RBM6: variants seen among roughly 807,000 people sequenced by gnomAD.
RBM6 encodes RNA-binding protein 6.
RBM6 carries 23 observed loss-of-function variants against 140.4 expected under a neutral mutation model. The ratio of observed to expected loss-of-function variants is 0.16; its 90% confidence interval spans 0.12 to 0.23. The LOEUF is 0.23. Among genes scored for constraint, RBM6 ranks in the 10% least tolerant of loss-of-function variants. The pLI is 1.00. For missense variants in RBM6, 1,139 were observed against 1,386.7 expected (o/e 0.82, Z 2.84); for synonymous variants, 439 against 475.6 (o/e 0.92, Z 1.00).
intron 5 of RBM6, among the ~76,000 whole-genome samples, chr3:49,990,283 G>A (rs1238727348): frequency 6.6e-6 from 1 of 151,912 alleles, no homozygotes; most frequent in Non-Finnish European, 1.5e-5. Flanking sequence ...GTTACTCTTC[G>A]GCCACAAAAC....
chr3:50,007,244 T>C (rs1002450156), intron 6 of RBM6, among the ~76,000 whole-genome samples: 1 of 149,970 alleles, frequency 6.7e-6, no homozygotes, highest in Non-Finnish European at 1.5e-5. Context: ...TCTCCTAGGC[T>C]GGAGTGCAGT....
chr3:50,057,826 G>A lies in RBM6; in HGVS notation c.1792G>A (p.Ala598Thr), dbSNP rs752785567. 16 of 1,613,928 alleles carry A rather than the reference G, an allele frequency of 9.9e-6. No individual in the cohort carries two copies. The South Asian group carries it at 1.1e-4, about 11-fold the overall frequency. Reference sequence around the variant, plus strand: ...ACAGCCCAACCAGCCCCTAAGACCAGCTGATAAGGAACCTGAACCCAGGAA... The same window carrying A: ...ACAGCCCAACCAGCCCCTAAGACCAACTGATAAGGAACCTGAACCCAGGAA... ...EKQPNQPLRP[A>T]DKEPEPRKRE... Residue 598 changes from alanine (A) to threonine (T), a missense_variant, in exon 9 of 21, where the codon GCT becomes ACT. Physicochemically the swap from Ala to Thr is moderately conservative, Grantham distance 58 (BLOSUM62 0). Transcript: ENST00000266022.
chr3:50,066,619 G>GA, intron 17 of RBM6, 117 bp downstream of exon 17: 1 of 1,293,430 alleles, frequency 7.7e-7, no homozygotes, highest in East Asian at 2.3e-5. Flanking sequence ...CCTGGGCTCA[G>GA]AAGTACAAGA....
At position 50,004,250 on chromosome 3, in the gene RBM6, T is replaced by C. The variant is rs188487905; in HGVS notation, c.1557+4737T>C. 6.7e-3 allele frequency among the ~76,000 whole-genome samples: 1,025 copies of C among 152,150 alleles called. 15 individuals carry two copies. The highest frequency in any genetic ancestry group is 0.041 in the South Asian group (198 of 4,814). On this transcript the variant is annotated intron_variant, in intron 6 of 20. Transcript: ENST00000266022. Reference sequence around the variant, plus strand: ...TTTCTCTGAAATTTTTATTCTCCTTTCCCCTTTCCTTTCCTTTCCTTTTTC... The same window carrying C: ...TTTCTCTGAAATTTTTATTCTCCTTCCCCCTTTCCTTTCCTTTCCTTTTTC...
chr3:50,065,045 C>A lies in RBM6; in HGVS notation c.2601C>A (p.Ala867=), dbSNP rs1355897692. 1 of 1,613,142 alleles carries A rather than the reference C, an allele frequency of 6.2e-7. No homozygotes were observed. ...DRGVTRFQEN[A]SEGKAPAEDV... ...GGTTTGATCAGTTTCAGGAAAATGCCAGTGAAGGGAAGGCCCCTGCAGAAG... is the reference window on the plus strand; with the variant it reads ...GGTTTGATCAGTTTCAGGAAAATGCAAGTGAAGGGAAGGCCCCTGCAGAAG... Residue 867 remains alanine (A), a synonymous_variant, in exon 16 of 21, where the codon GCC becomes GCA. Transcript: ENST00000266022.
chr3:50,073,935 C>T (rs1202963959), intron 19 of RBM6, among the ~76,000 whole-genome samples: 2 of 151,924 alleles, frequency 1.3e-5, no homozygotes, highest in East Asian at 1.9e-4. Flanking sequence ...CTGCAACCTC[C>T]GCCTCCCAGG....
chr3:50,050,515 G>T (rs1575812655), intron 7 of RBM6, among the ~76,000 whole-genome samples: 1 of 152,104 alleles, frequency 6.6e-6, no homozygotes, highest in Non-Finnish European at 1.5e-5. Context: ...TTGTGTGCTA[G>T]TTTTTGTTTG....
chr3:50,061,203 A>G lies in RBM6; in HGVS notation c.2335A>G (p.Asn779Asp). ...AAATTCAGACTGGTCTTCAGATACA[A>G]ATCGACAAGGACAACAGTGTAAGTA... ...GRNSDWSSDT[N>D]RQGQQSSSDC... The change falls in exon 13 of 21, where the codon AAT (asparagine) becomes GAT (aspartate). Residue 779 changes from asparagine to aspartate, a missense_variant. This residue lies in a region of RBM6 where 163 missense variants were observed against 182.8 expected (regional missense o/e 0.89). Transcript: ENST00000266022. 1 of 1,614,214 alleles carries G rather than the reference A, an allele frequency of 6.2e-7. No homozygotes were observed. Among genetic ancestry groups the G allele is most frequent in the Non-Finnish European group, 8.5e-7 (1 of 1,180,028 alleles).
chr3:49,991,733 G>A (rs545994293), intron 5 of RBM6, among the ~76,000 whole-genome samples: 18 of 152,194 alleles, frequency 1.2e-4, no homozygotes, highest in African/African-American at 3.1e-4. Flanking sequence ...CATCTCTGCT[G>A]TATTAACCTC....
chr3:49,991,946 T>TATTTA (rs2085846117), intron 5 of RBM6, among the ~76,000 whole-genome samples: 1 of 151,506 alleles, frequency 6.6e-6, no homozygotes, highest in African/African-American at 2.4e-5. Flanking sequence ...TATTTTATTT[T>TATTTA]ATTTATTTAT....
chr3:49,943,984 CGTT>C (rs1184801532), intron 1 of RBM6, among the ~76,000 whole-genome samples: 3 of 152,052 alleles, frequency 2.0e-5, no homozygotes, highest in Admixed American at 6.6e-5. Context: ...AGTGGTATCT[CGTT>C]GTGTTTTCTT....
chr3:50,023,909 A>C (rs2087651650), intron 6 of RBM6, among the ~76,000 whole-genome samples: 1 of 151,990 alleles, frequency 6.6e-6, no homozygotes, highest in Non-Finnish European at 1.5e-5. Context: ...CAGCCTCCCA[A>C]AGTGCTGGGA....
At chr3:50,057,670 C>CTTTTT in intron 8 of RBM6, 58 bp from the exon 9 acceptor site, 1 of 1,239,456 alleles carries the variant, frequency 8.1e-7, no homozygotes, top group Admixed American at 2.6e-5. Context: ...AGTGTTTTTT[C>CTTTTT]TTTTTTTTTT....
intron 5 of RBM6, among the ~76,000 whole-genome samples, chr3:49,979,718 G>A (rs1376724204): frequency 2.0e-5 from 3 of 152,140 alleles, no homozygotes. Context: ...TAGCATTACA[G>A]GAGTGAGCCA....
chr3:50,033,189 C>T (rs2088284767), intron 6 of RBM6, among the ~76,000 whole-genome samples: 1 of 151,936 alleles, frequency 6.6e-6, no homozygotes, highest in Non-Finnish European at 1.5e-5. Flanking sequence ...CCCAGCTACT[C>T]AGGAGGCTCA....
intron 4 of RBM6, among the ~76,000 whole-genome samples, chr3:49,972,405 TA>T (rs1420549044): frequency 6.6e-6 from 1 of 152,026 alleles, no homozygotes; most frequent in East Asian, 1.9e-4. Flanking sequence ...GAGGTGAGGT[TA>T]AAAAAAATTA....
chr3:50,002,120 G>A lies in RBM6; in HGVS notation c.1557+2607G>A, dbSNP rs569131319. Among the ~76,000 whole-genome samples the A allele has an allele frequency of 3.3e-5, 5 of 152,120 alleles. No homozygotes were observed. The East Asian group carries it at 5.8e-4, about 18-fold the overall frequency. ...TAAATTTTGTGTGTGTGTGTGAGAC[G>A]GAGTCCAGCCAGGCTGGAGTGCAGT... On this transcript the variant is annotated intron_variant, in intron 6 of 20. Coordinates refer to ENST00000266022, the MANE Select transcript of RBM6 (RefSeq NM_005777.3).
chr3:50,011,954 C>CAA (rs2086870652), intron 6 of RBM6, among the ~76,000 whole-genome samples: 1 of 151,640 alleles, frequency 6.6e-6, no homozygotes, highest in Admixed American at 6.6e-5. Context: ...CGGGCTCAAG[C>CAA]AATTCTCCCA....
chr3:49,978,567 A>G (rs561366167), intron 5 of RBM6, among the ~76,000 whole-genome samples: 1 of 152,206 alleles, frequency 6.6e-6, no homozygotes, highest in Non-Finnish European at 1.5e-5. Context: ...AGAACCTGTG[A>G]GGTTAAATGA....
Sources: allele counts gnomAD v4.1 joint callset (sites outside exome capture counted in the v4.1 genomes callset), GRCh38; gene constraint gnomAD v4.1.1; regional missense constraint gnomAD v4.1.1; transcripts MANE v1.5; gene names NCBI Gene and HGNC (gene_info 2026-07-23, HGNC 2026-07-21).